The following ROBO2 variants were observed in gnomAD, a reference collection of about 807,000 sequenced individuals.
The protein encoded by ROBO2 is roundabout guidance receptor 2, also known as roundabout homolog 2.
In ROBO2, 53 loss-of-function variants were observed where a neutral mutation model predicts 160.8. That is an observed-to-expected ratio of 0.33 (90% CI 0.26 to 0.41). The LOEUF is 0.41. Among genes scored for constraint, ROBO2 ranks in the 10% least tolerant of loss-of-function variants. The probability of loss-of-function intolerance (pLI) is 1.00; values close to 1 mark genes in which losing one functional copy is unlikely to be tolerated. For missense variants in ROBO2, 1,577 were observed against 1,722.4 expected (o/e 0.92, Z 1.49); for synonymous variants, 664 against 611.7 (o/e 1.09, Z -1.26).
chr3:77,115,689 A>G (rs2074127017), intron 2 of ROBO2, among the ~76,000 whole-genome samples: 1 of 152,228 alleles, frequency 6.6e-6, no homozygotes, highest in Non-Finnish European at 1.5e-5. Flanking sequence ...GGGAGTTTAA[A>G]GATAGTTTAT....
intron 1 of ROBO2, among the ~76,000 whole-genome samples, chr3:77,042,989 A>T (rs975769825): frequency 1.3e-5 from 2 of 152,182 alleles, no homozygotes; most frequent in African/African-American, 4.8e-5. Context: ...AAAGCAAAGG[A>T]AACCCTGGAC....
intron 2 of ROBO2, among the ~76,000 whole-genome samples, chr3:77,220,383 A>T (rs2151190586): frequency 6.6e-6 from 1 of 152,290 alleles, no homozygotes; most frequent in African/African-American, 2.4e-5. Context: ...TTTAACTGCA[A>T]ATGAAAATAT....
intron 2 of ROBO2, among the ~76,000 whole-genome samples, chr3:77,003,956 T>C (rs1401882467): frequency 1.3e-5 from 2 of 152,190 alleles, no homozygotes; most frequent in Non-Finnish European, 2.9e-5. Flanking sequence ...AATAGAGGCA[T>C]TTATTATGAA....
intron 2 of ROBO2, among the ~76,000 whole-genome samples, chr3:76,246,026 A>G (rs1247597828): frequency 6.6e-6 from 1 of 152,150 alleles, no homozygotes; most frequent in East Asian, 1.9e-4. Context: ...TTTGTTTTCC[A>G]TGTGTGTTAT....
intron 2 of ROBO2, among the ~76,000 whole-genome samples, chr3:77,032,392 T>C (rs1017761120): frequency 2.0e-5 from 3 of 152,200 alleles, no homozygotes; most frequent in African/African-American, 4.8e-5. Context: ...ATATGCTTCA[T>C]GAGAATTTAA....
intron 4 of ROBO2, among the ~76,000 whole-genome samples, chr3:77,486,331 G>A (rs537547966): frequency 6.6e-6 from 1 of 152,206 alleles, no homozygotes; most frequent in South Asian, 2.1e-4. Flanking sequence ...GATCCTTGAG[G>A]AATCACCACA....
At chr3:76,346,899 A>G (rs1246227604) in intron 2 of ROBO2, among the ~76,000 whole-genome samples, 1 of 152,132 alleles carries the variant, frequency 6.6e-6, no homozygotes, top group Non-Finnish European at 1.5e-5. Context: ...CTTTGCATCA[A>G]TTGAGAATAA....
At chr3:77,119,266 CA>C (rs2074507935) in intron 2 of ROBO2, among the ~76,000 whole-genome samples, 1 of 152,112 alleles carries the variant, frequency 6.6e-6, no homozygotes, top group Admixed American at 6.5e-5. Flanking sequence ...TTCTTTATAG[CA>C]GTGTGAAAAC....
intron 2 of ROBO2, among the ~76,000 whole-genome samples, chr3:76,410,323 G>A (rs559759727): frequency 3.9e-5 from 6 of 151,958 alleles, no homozygotes; most frequent in African/African-American, 7.2e-5. Context: ...CAGGACGGAC[G>A]GTGTATATAT....
At position 76,235,227 on chromosome 3, in the gene ROBO2, A is replaced by T. The variant is rs146429636; in HGVS notation, c.109+297625A>T. Among the ~76,000 whole-genome samples, 193 of 152,246 alleles carry T rather than the reference A, an allele frequency of 1.3e-3. 1 individual carries two copies. The highest frequency in any genetic ancestry group is 4.4e-3 in the African/African-American group (184 of 41,532). Reference sequence around the variant, plus strand: ...TACTAACTTATGTCTTCATAAGAAAAAGGAGTGGGAGATTTAGACACAGAA... The same window carrying T: ...TACTAACTTATGTCTTCATAAGAAATAGGAGTGGGAGATTTAGACACAGAA... On this transcript the variant is annotated intron_variant, in intron 2 of 26. Transcript: ENST00000487694.
chr3:76,518,014 G>A (rs753717000), intron 2 of ROBO2, among the ~76,000 whole-genome samples: 1 of 151,936 alleles, frequency 6.6e-6, no homozygotes, highest in South Asian at 2.1e-4. Context: ...GCATCAGGGG[G>A]TTCCTTTAGT....
intron 2 of ROBO2, among the ~76,000 whole-genome samples, chr3:76,857,291 T>G (rs1020845058): frequency 1.3e-5 from 2 of 152,222 alleles, no homozygotes; most frequent in East Asian, 3.8e-4. Flanking sequence ...TTTTAAATCC[T>G]CTTGTGAAAT....
intron 1 of ROBO2, among the ~76,000 whole-genome samples, chr3:77,045,799 C>T (rs1003426276): frequency 1.3e-5 from 2 of 152,202 alleles, no homozygotes; most frequent in African/African-American, 4.8e-5. Flanking sequence ...CAAGAAATCA[C>T]CACTCTACTT....
intron 2 of ROBO2, among the ~76,000 whole-genome samples, chr3:76,667,170 A>G (rs1469840764): frequency 6.6e-6 from 1 of 152,136 alleles, no homozygotes; most frequent in Non-Finnish European, 1.5e-5. Flanking sequence ...GAGGGCAGTT[A>G]GATTTTTAGA....
In ROBO2 at chr3:76,580,342, G is replaced by GTTTTTTTTTTGT. The variant is rs2085604163; in HGVS notation, c.110-517662_110-517661insGTTTTTTTTTTT. ...GTTTTTTTTTTGTTTTTTTTTTTGT[G>GTTTTTTTTTTGT]TTTTTTTTTTTGTTTTTTTTTTTGG... On this transcript the variant is annotated intron_variant, in intron 2 of 26. Coordinates refer to the ROBO2 transcript ENST00000487694. Among the ~76,000 whole-genome samples, 274 of 90,510 alleles carry GTTTTTTTTTTGT rather than the reference G, an allele frequency of 3.0e-3. 1 individual carries two copies. Among genetic ancestry groups the GTTTTTTTTTTGT allele is most frequent in the Middle Eastern group, 9.3e-3 (1 of 108 alleles). The allele number at this position is 90,510 out of a possible 152,430, so 59.4% of individuals were successfully genotyped here. A position where few individuals can be genotyped will look rare whatever the true frequency, so the allele number is the denominator to read the frequency against.
chr3:76,111,324 G>C (rs2070220984), intron 2 of ROBO2, among the ~76,000 whole-genome samples: 1 of 152,028 alleles, frequency 6.6e-6, no homozygotes, highest in South Asian at 2.1e-4. Context: ...GCTAGGAAGA[G>C]TCAAGGAAGG....
intron 1 of ROBO2, among the ~76,000 whole-genome samples, chr3:77,084,648 T>C (rs1035472270): frequency 6.6e-6 from 1 of 151,838 alleles, no homozygotes; most frequent in Non-Finnish European, 1.5e-5. Flanking sequence ...AACCTGGGGA[T>C]GATCAGTTTC....
At chr3:76,487,275 C>T (rs2079550859) in intron 2 of ROBO2, among the ~76,000 whole-genome samples, 1 of 151,916 alleles carries the variant, frequency 6.6e-6, no homozygotes, top group Admixed American at 6.6e-5. Context: ...CCACTGCACC[C>T]AGCGAGAATC....
At chr3:76,438,454 T>C (rs988104276) in intron 2 of ROBO2, among the ~76,000 whole-genome samples, 1 of 151,452 alleles carries the variant, frequency 6.6e-6, no homozygotes, top group African/African-American at 2.4e-5. Context: ...TGCACATATA[T>C]GATGGTAGCA....
Sources: gnomAD v4.1 joint callset for allele counts (sites outside exome capture counted in the v4.1 genomes callset) on GRCh38, gnomAD v4.1.1 for gene constraint, MANE v1.5 for transcripts, NCBI Gene and HGNC (gene_info 2026-07-23, HGNC 2026-07-21) for gene names.